Variants in VPS13B observed in about 807,000 individuals in gnomAD.
VPS13B encodes intermembrane lipid transfer protein VPS13B.
In VPS13B, 285 loss-of-function variants were observed where a neutral mutation model predicts 426.4. The ratio of observed to expected loss-of-function variants is 0.67; its 90% CI spans 0.61 to 0.74. The LOEUF is 0.74. Ranked by LOEUF, VPS13B falls within the 30% of genes least tolerant of loss-of-function variation. The probability of loss-of-function intolerance (pLI) is 0.00; values close to 1 mark genes in which losing one functional copy is unlikely to be tolerated. For missense variants in VPS13B, 4,537 were observed against 4,782.6 expected (o/e 0.95, Z 1.51); for synonymous variants, 1,676 against 1,676.4 (o/e 1.00, Z 0.01).
chr8:99,650,273 G>C (rs984503575), intron 34 of VPS13B, among the ~76,000 whole-genome samples: 2 of 151,900 alleles, frequency 1.3e-5, no homozygotes, highest in Non-Finnish European at 2.9e-5. Flanking sequence ...GATTCTTCCC[G>C]TGTCACCAAT....
At chr8:99,803,089 C>T (rs1295210399) in intron 43 of VPS13B, among the ~76,000 whole-genome samples, 1 of 152,204 alleles carries the variant, frequency 6.6e-6, no homozygotes, top group East Asian at 1.9e-4. Context: ...CTGGGATAAA[C>T]ATACATCTAG....
chr8:99,466,364 A>AT lies in VPS13B; in HGVS notation c.3446-1048dup, dbSNP rs989930210. ...CCTCAATTTGTTCTAAAATAATTGA[A>AT]TTACTAAAAATGATGTTCGTGTTAT... is the stretch of plus-strand genomic sequence containing the variant. On this transcript the variant is annotated intron_variant, in intron 23 of 61. Coordinates refer to ENST00000357162, the MANE Select transcript of VPS13B (RefSeq NM_152564.5). 2.4e-4 allele frequency among the ~76,000 whole-genome samples: 36 copies of AT among 152,280 alleles called. 1 individual carries two copies. The highest frequency in any genetic ancestry group is 2.1e-3 in the Admixed American group (32 of 15,276).
chr8:99,551,876 G>A (rs958283684), intron 30 of VPS13B, among the ~76,000 whole-genome samples: 1 of 151,422 alleles, frequency 6.6e-6, no homozygotes, highest in South Asian at 2.1e-4. Flanking sequence ...TTATTTCTTG[G>A]GATACTTTGG....
At chr8:99,050,723 A>T (rs1453541875) in intron 3 of VPS13B, among the ~76,000 whole-genome samples, 1 of 152,180 alleles carries the variant, frequency 6.6e-6, no homozygotes, top group African/African-American at 2.4e-5. Context: ...AATGAGTGCC[A>T]TTCTAACTGG....
chr8:99,819,718 A>C, intron 48 of VPS13B, 136 bp downstream of exon 48: 1 of 1,228,870 alleles, frequency 8.1e-7, no homozygotes. Flanking sequence ...TAGTAGGTGT[A>C]TTTTGTAGAT....
At chr8:99,652,743 C>T (rs948082436) in intron 34 of VPS13B, among the ~76,000 whole-genome samples, 1 of 151,744 alleles carries the variant, frequency 6.6e-6, no homozygotes, top group African/African-American at 2.4e-5. Context: ...TGTTAATATC[C>T]CTGGAAAGGC....
intron 21 of VPS13B, among the ~76,000 whole-genome samples, chr8:99,398,995 CT>C (rs1290384937): frequency 2.0e-5 from 3 of 151,764 alleles, no homozygotes; most frequent in Non-Finnish European, 4.4e-5. Context: ...TTTATTTTTT[CT>C]TTACAAATGT....
chr8:99,425,661 A>G (rs563755601), intron 21 of VPS13B, among the ~76,000 whole-genome samples: 6 of 152,328 alleles, frequency 3.9e-5, no homozygotes, highest in African/African-American at 1.4e-4. Flanking sequence ...GGCACAAGAC[A>G]GGGATGCCCT....
intron 33 of VPS13B, among the ~76,000 whole-genome samples, chr8:99,639,209 C>A (rs1462482539): frequency 6.6e-6 from 1 of 152,040 alleles, no homozygotes; most frequent in Non-Finnish European, 1.5e-5. Flanking sequence ...ACTACAAAGC[C>A]TATATGTTGT....
intron 19 of VPS13B, among the ~76,000 whole-genome samples, chr8:99,307,462 T>A (rs1463851921): frequency 6.6e-6 from 1 of 152,138 alleles, no homozygotes; most frequent in Non-Finnish European, 1.5e-5. Flanking sequence ...GCTTCCAGTT[T>A]ATGAACAATA....
At chr8:99,451,188 G>A (rs1189222304) in intron 23 of VPS13B, among the ~76,000 whole-genome samples, 1 of 152,090 alleles carries the variant, frequency 6.6e-6, no homozygotes, top group African/African-American at 2.4e-5. Context: ...GAGTTAGTTG[G>A]CACAGCATTC....
intron 52 of VPS13B, 138 bp from the exon 53 acceptor site, chr8:99,835,059 A>G (rs1401444596): frequency 4.0e-6 from 4 of 1,007,616 alleles, no homozygotes; most frequent in Non-Finnish European, 6.0e-6. Flanking sequence ...CTGTTATCAG[A>G]AAAGGAATCT....
intron 30 of VPS13B, among the ~76,000 whole-genome samples, chr8:99,540,993 T>C (rs1233510826): frequency 6.6e-6 from 1 of 152,180 alleles, no homozygotes; most frequent in East Asian, 1.9e-4. Context: ...ATTCTGCTTA[T>C]AAAAACTGCC....
At chr8:99,866,755 G>C (rs1588803901) in intron 58 of VPS13B, among the ~76,000 whole-genome samples, 1 of 152,368 alleles carries the variant, frequency 6.6e-6, no homozygotes, top group African/African-American at 2.4e-5. Flanking sequence ...TGGAAGAGAA[G>C]ACCCAGGGTT....
rs750609612 is a variant in VPS13B at position 99,481,598 on chromosome 8, G to A, written c.3667-1G>A. 5.6e-6 allele frequency: 9 copies of A among 1,613,464 alleles called. No individual in the cohort carries two copies. Among genetic ancestry groups the A allele is most frequent in the Non-Finnish European group, 7.6e-6 (9 of 1,179,768 alleles). On this transcript the variant is annotated splice_acceptor_variant, in intron 24 of 61. Coordinates refer to ENST00000357162, the MANE Select transcript of VPS13B (RefSeq NM_152564.5). LOFTEE classifies it high-confidence loss of function. ...TCTTTTCTTTTTTCTTATGCTCTCA[G>A]GTCCAGCTCTTCTATGAACTAACTG... is the stretch of plus-strand genomic sequence containing the variant.
chr8:99,751,686 ATG>A (rs1381231253), intron 39 of VPS13B, among the ~76,000 whole-genome samples: 1 of 152,218 alleles, frequency 6.6e-6, no homozygotes, highest in Non-Finnish European at 1.5e-5. Context: ...TATGTAATAT[ATG>A]TGTTACATAT....
rs1315286931 is a variant in VPS13B at position 99,641,815 on chromosome 8, C to G, written c.5225C>G (p.Ser1742Cys). The G allele has an allele frequency of 1.2e-6, 2 of 1,609,110 alleles. No individual in the cohort carries two copies. Among genetic ancestry groups the G allele is most frequent in the South Asian group, 1.1e-5 (1 of 90,846 alleles). Residue 1742 changes from serine (S) to cysteine (C), a missense_variant, in exon 34 of 62, where the codon TCT (serine) becomes TGT (cysteine). By Grantham distance (112) the Ser-to-Cys change is moderately radical (BLOSUM62 -1). This residue lies in a region of VPS13B where 4,311 missense variants were observed against 4,474.3 expected (regional missense o/e 0.96). Transcript: ENST00000357162. ...LEPSNKAAEISKQEQKKVDIF... is the reference protein window; with the variant it reads ...LEPSNKAAEICKQEQKKVDIF... ...TTTATTACTTTTTTCTTACAGATCTCTAAACAAGAACAGAAAAAAGTGGAT... is the reference window on the plus strand; with the variant it reads ...TTTATTACTTTTTTCTTACAGATCTGTAAACAAGAACAGAAAAAAGTGGAT...
Position 99,699,947 on chromosome 8 carries a change from AG to A in VPS13B, c.6454+19del, listed in dbSNP as rs772522395. 5.0e-5 allele frequency: 80 copies of A among 1,612,788 alleles called. No individual in the cohort carries two copies. In the Middle Eastern group the frequency reaches 8.2e-4, roughly 17 times the overall value. Reference sequence around the variant, plus strand: ...AAAAGTACCTGGTAAGTCACAGAAAAGGGGAGGGGGGAGACAGAACAAGTAA... The same window carrying A: ...AAAAGTACCTGGTAAGTCACAGAAAAGGGAGGGGGGAGACAGAACAAGTAA... On this transcript the variant is annotated intron_variant, in intron 36 of 61. Transcript: ENST00000357162.
chr8:99,837,312 G>C (rs1446672262), intron 54 of VPS13B, among the ~76,000 whole-genome samples: 1 of 152,148 alleles, frequency 6.6e-6, no homozygotes, highest in Non-Finnish European at 1.5e-5. Context: ...TCTATCAGCT[G>C]TGTTCAGGGG....
Sources: gnomAD v4.1 joint callset for allele counts (sites outside exome capture counted in the v4.1 genomes callset) on GRCh38, gnomAD v4.1.1 for gene constraint, gnomAD v4.1.1 regional missense constraint, MANE v1.5 for transcripts, NCBI Gene and HGNC (gene_info 2026-07-23, HGNC 2026-07-21) for gene names.